HECTD3: variants seen among roughly 807,000 people sequenced by gnomAD.
HECTD3 encodes the protein HECT domain E3 ubiquitin protein ligase 3, also known as E3 ubiquitin-protein ligase HECTD3.
Under a neutral mutation model 109.3 loss-of-function variants are expected in HECTD3, and 72 were observed. The observed-to-expected ratio is 0.66, with a 90% CI of 0.54 to 0.80. HECTD3 has a LOEUF of 0.80. Among genes scored for constraint, HECTD3 ranks in the 30% least tolerant of loss-of-function variants. The pLI is 0.00. For synonymous variants in HECTD3, 481 were observed against 471.8 expected, an observed-to-expected ratio of 1.02 and a Z score of -0.25; for missense variants, 1,041 against 1,165.2, an observed-to-expected ratio of 0.89 and a Z score of 1.55.
At position 45,011,027 on chromosome 1, in the gene HECTD3, G is replaced by A; in HGVS notation, c.231C>T (p.Ala77=). ...EAEGLGLRVG[A]AGPAPGTGSG... ...AGCCGGTACCGGGGGCTGGGCCTGC[G>A]GCGCCCACACGCAGCCCCAGGCCCT... Residue 77 remains alanine, a synonymous_variant, in exon 1 of 21, where the codon GCC becomes GCT. Transcript: ENST00000372172. The A allele has an allele frequency of 1.4e-6, 2 of 1,422,100 alleles. No individual in the cohort carries two copies. The highest frequency in any genetic ancestry group is 2.8e-5 in the East Asian group (1 of 35,338). The allele number at this position is 1,422,100 out of a possible 1,614,324, so 88.1% of individuals were successfully genotyped here.
chr1:45,007,737 C>G, intron 9 of HECTD3, 142 bp from the exon 10 acceptor site: 1 of 698,196 alleles, frequency 1.4e-6, no homozygotes, highest in East Asian at 2.7e-5. Flanking sequence ...CCAGTCCCCT[C>G]CTTAGTTCAG....
chr1:45,008,376 C>T (rs1357264431), intron 8 of HECTD3, 55 bp from the exon 9 acceptor site: 6 of 1,519,574 alleles, frequency 3.9e-6, no homozygotes, highest in Non-Finnish European at 5.5e-6. Flanking sequence ...GTAACACCCC[C>T]AACTCCCCAA....
chr1:45,009,184 G>T lies in HECTD3; in HGVS notation c.1032C>A (p.Val344=). 6.2e-7 allele frequency: 1 copy of T among 1,614,080 alleles called. No homozygotes were observed. Among genetic ancestry groups the T allele is most frequent in the Non-Finnish European group, 8.5e-7 (1 of 1,179,988 alleles). Residue 344 remains valine, a synonymous_variant, in exon 7 of 21, where the codon GTC becomes GTA. Coordinates refer to ENST00000372172, the MANE Select transcript of HECTD3 (RefSeq NM_024602.6). ...TGCGGATCTCGATGATCGGGAGGTG[G>T]ACGGTCATGTCCTCCAGGACACAGA... ...GDVCVLEDMT[V]HLPIIEIRIV... is the part of the protein sequence containing the mutation.
chr1:45,008,098 T>C (rs1644752109), intron 9 of HECTD3, 142 bp downstream of exon 9: 2 of 662,210 alleles, frequency 3.0e-6, no homozygotes, highest in Admixed American at 2.9e-5. Context: ...ATTTGGACCA[T>C]TTGTTCTGGC....
At position 45,003,417 on chromosome 1, in the gene HECTD3, G is replaced by A. The variant is rs1644707482; in HGVS notation, c.*75C>T. On this transcript the variant is annotated 3_prime_UTR_variant, in exon 21 of 21. Coordinates refer to ENST00000372172, the MANE Select transcript of HECTD3 (RefSeq NM_024602.6). This position sits in a 1 kb window ranked among gnomAD's most constrained non-coding sequence, Gnocchi z 4.7. ...GAGCACGTCAGCCAAACCAGGGCAG[G>A]GAAGGTGTCTTCGCCCTGGGCAAGG... is the stretch of plus-strand genomic sequence containing the variant. 1 of 1,328,328 alleles carries A rather than the reference G, an allele frequency of 7.5e-7. No homozygotes were observed. The highest frequency in any genetic ancestry group is 1.1e-6 in the Non-Finnish European group (1 of 925,002). The allele number at this position is 1,328,328 out of a possible 1,614,324, so 82.3% of individuals were successfully genotyped here.
Position 45,011,079 on chromosome 1 carries a change from C to A in HECTD3, c.179G>T (p.Arg60Leu). 2 of 1,461,566 alleles carry A rather than the reference C, an allele frequency of 1.4e-6. No individual in the cohort carries two copies. Among genetic ancestry groups the A allele is most frequent in the Non-Finnish European group, 1.8e-6 (2 of 1,110,156 alleles). 90.5% of individuals were successfully genotyped at this position (1,461,566 alleles called of 1,614,324 possible). A position where few individuals can be genotyped will look rare whatever the true frequency, so the allele number is the denominator to read the frequency against. ...TGCCTCCCACACCGGCAGAAGCACG[C>A]GCGACGGTCCCGCTGGGTCCTTGTA... Reference protein sequence around the residue: ...KLYKDPAGPSRVLLPVWEAEG... With the variant: ...KLYKDPAGPSLVLLPVWEAEG... The change falls in exon 1 of 21, where the codon CGC becomes CTC. Residue 60 changes from arginine to leucine, a missense_variant. By Grantham distance (102) the Arg-to-Leu change is moderately radical. This residue lies in a region of HECTD3 where 472 missense variants were observed against 449.9 expected (regional missense o/e 1.05). Transcript: ENST00000372172.
In HECTD3 at chr1:45,007,519, CT is replaced by C; in HGVS notation, c.1396del (p.Ser466AlafsTer139). The C allele has an allele frequency of 6.2e-7, 1 of 1,614,054 alleles. No individual in the cohort carries two copies. Among genetic ancestry groups the C allele is most frequent in the Non-Finnish European group, 8.5e-7 (1 of 1,180,020 alleles). On this transcript the variant is annotated frameshift_variant, in exon 10 of 21. Coordinates refer to ENST00000372172, the MANE Select transcript of HECTD3 (RefSeq NM_024602.6). LOFTEE classifies it high-confidence loss of function. The part of the protein sequence containing the change: ...VAQCLRDSES[S>X]KPSFMPRLYI... ...TAGGCGTGGCATGAAGCTGGGCTTG[CT>C]GCTCTCAGAGTCACGCAGGCACTGA...
At chr1:45,010,747 G>A (rs1644783069) in intron 1 of HECTD3, 41 bp from the exon 2 acceptor site, 2 of 1,519,632 alleles carry the variant, frequency 1.3e-6, no homozygotes, top group African/African-American at 1.4e-5. Context: ...TCAGGGAACT[G>A]CCCAGCCGCC....
At chr1:45,009,855 G>A in intron 4 of HECTD3, 131 bp downstream of exon 4, 1 of 1,227,144 alleles carries the variant, frequency 8.1e-7, no homozygotes, top group Non-Finnish European at 1.1e-6. Flanking sequence ...GTCCAAGATG[G>A]GGAGCTGAAC....
Position 45,006,907 on chromosome 1 carries a change from A to G in HECTD3, c.1621+44T>C, listed in dbSNP as rs751419244. ...GGTGAAAAGCCTCTACCACTTTGATAGGGCAGCAAGCAGGACCCTTGAGAT... is the reference window on the plus strand; with the variant it reads ...GGTGAAAAGCCTCTACCACTTTGATGGGGCAGCAAGCAGGACCCTTGAGAT... On this transcript the variant is annotated intron_variant, in intron 12 of 20. Coordinates refer to ENST00000372172, the MANE Select transcript of HECTD3 (RefSeq NM_024602.6). The surrounding 1 kb of genome is among the most constrained non-coding windows in gnomAD (Gnocchi z 4.7). 1 of 1,604,688 alleles carries G rather than the reference A, an allele frequency of 6.2e-7. No individual in the cohort carries two copies. Among genetic ancestry groups the G allele is most frequent in the Admixed American group, 1.7e-5 (1 of 59,986 alleles).
intron 6 of HECTD3, 68 bp downstream of exon 6, chr1:45,009,301 A>G (rs1644763011): frequency 6.4e-7 from 1 of 1,551,582 alleles, no homozygotes; most frequent in African/African-American, 1.4e-5. Context: ...TCTCACTCAA[A>G]CTTAGGCTTT....
At chr1:45,004,224 C>T in intron 17 of HECTD3, 24 bp downstream of exon 17, 1 of 1,613,992 alleles carries the variant, frequency 6.2e-7, no homozygotes, top group Non-Finnish European at 8.5e-7. Context: ...GCTGCCCTGC[C>T]CTGCCCTGCC....
In HECTD3 at chr1:45,006,392, G is replaced by A. The variant is rs764350114; in HGVS notation, c.1726-276C>T. ...GTGATCTCGGCTCACTGCAACCTCC[G>A]TCTCCTGGGTTCAAGCGAGTCGCCT... On this transcript the variant is annotated intron_variant, in intron 13 of 20. Transcript: ENST00000372172. This position sits in a 1 kb window ranked among gnomAD's most constrained non-coding sequence, Gnocchi z 4.7. 6.7e-5 allele frequency among the ~76,000 whole-genome samples: 10 copies of A among 150,190 alleles called. No individual in the cohort carries two copies. Among genetic ancestry groups the A allele is most frequent in the Non-Finnish European group, 1.2e-4 (8 of 67,802 alleles).
chr1:45,009,915 G>A, intron 4 of HECTD3, 71 bp downstream of exon 4: 3 of 1,504,872 alleles, frequency 2.0e-6, no homozygotes, highest in African/African-American at 1.4e-5. Flanking sequence ...GCAGGTGGGG[G>A]TTCTTTCTGG....
At chr1:45,009,884 A>G (rs1644769095) in intron 4 of HECTD3, 102 bp downstream of exon 4, 3 of 1,397,580 alleles carry the variant, frequency 2.1e-6, no homozygotes, top group Admixed American at 4.5e-5. Context: ...GCCTGTGGGG[A>G]CCCTGTTTTA....
chr1:45,010,774 G>T (rs376093618), intron 1 of HECTD3, 68 bp from the exon 2 acceptor site: 25 of 1,511,086 alleles, frequency 1.7e-5, no homozygotes, highest in Non-Finnish European at 2.2e-5. Context: ...GCCCAGCCCA[G>T]GGCAAAGGGC....
Position 45,008,444 on chromosome 1 carries a change from T to C in HECTD3, c.1238+92A>G, listed in dbSNP as rs1644755308. ...GCTTCTCTGACCCTTGAACAGCTTA[T>C]ACTATGAGACCTTGGGAACCTCCTC... On this transcript the variant is annotated intron_variant, in intron 8 of 20. Coordinates refer to ENST00000372172, the MANE Select transcript of HECTD3 (RefSeq NM_024602.6). The C allele has an allele frequency of 3.3e-6, 5 of 1,510,740 alleles. No individual in the cohort carries two copies. The highest frequency in any genetic ancestry group is 4.6e-6 in the Non-Finnish European group (5 of 1,086,662). 93.6% of individuals were successfully genotyped at this position (1,510,740 alleles called of 1,614,324 possible). A position where few individuals can be genotyped will look rare whatever the true frequency, so the allele number is the denominator to read the frequency against.
chr1:45,007,006 C>T lies in HECTD3; in HGVS notation c.1566G>A (p.Met522Ile). ...YEKPLDYRWP[M>I]RYDQWWECKF... is the part of the protein sequence containing the mutation. ...TACACTCCCACCACTGGTCATAGCG[C>T]ATGGGCCACCTGCAAAAAACGTGGG... The change falls in exon 12 of 21, where the codon ATG (methionine) becomes ATA (isoleucine). Residue 522 changes from methionine (M) to isoleucine (I), a missense_variant. This residue lies in a region of HECTD3 where 569 missense variants were observed against 715.3 expected (regional missense o/e 0.80). Transcript: ENST00000372172. 2 of 1,614,110 alleles carry T rather than the reference C, an allele frequency of 1.2e-6. No individual in the cohort carries two copies. The highest frequency in any genetic ancestry group is 1.7e-6 in the Non-Finnish European group (2 of 1,180,028).
intron 1 of HECTD3, 49 bp downstream of exon 1, chr1:45,010,840 C>T (rs777027053): frequency 6.6e-7 from 1 of 1,506,232 alleles, no homozygotes; most frequent in Non-Finnish European, 8.8e-7. Context: ...CCAGAGGTTT[C>T]TCTGGCCCCA....
Sources: allele counts gnomAD v4.1 joint callset (sites outside exome capture counted in the v4.1 genomes callset), GRCh38; gene constraint gnomAD v4.1.1; regional missense constraint gnomAD v4.1.1; non-coding constraint Gnocchi (gnomAD v3.1); transcripts MANE v1.5; gene names NCBI Gene and HGNC (gene_info 2026-07-23, HGNC 2026-07-21).